Variants in ST18 observed in about 807,000 individuals in gnomAD.
ST18 encodes the protein suppression of tumorigenicity 18 protein.
ST18 carries 50 observed loss-of-function variants against 110.0 expected under a neutral mutation model. The observed-to-expected ratio is 0.45, with a 90% CI of 0.36 to 0.58. The LOEUF is 0.58. Ranked by LOEUF, ST18 falls within the 20% of genes least tolerant of loss-of-function variation. The pLI is 0.00. For synonymous variants in ST18, 461 were observed against 452.4 expected (o/e 1.02, Z -0.24); for missense variants, 1,306 against 1,280.1 (o/e 1.02, Z -0.31).
chr8:52,303,919 A>C (rs1391817383), intron 2 of ST18, among the ~76,000 whole-genome samples: 1 of 152,200 alleles, frequency 6.6e-6, no homozygotes, highest in Non-Finnish European at 1.5e-5. Flanking sequence ...TGGAAATCCA[A>C]GGAGTTAATT....
At chr8:52,322,419 G>C (rs1186967817) in intron 2 of ST18, among the ~76,000 whole-genome samples, 1 of 152,106 alleles carries the variant, frequency 6.6e-6, no homozygotes, top group Non-Finnish European at 1.5e-5. Context: ...TATGTACAGT[G>C]AATAAAAATA....
intron 2 of ST18, among the ~76,000 whole-genome samples, chr8:52,356,662 C>T (rs549218931): frequency 6.6e-6 from 1 of 152,196 alleles, no homozygotes; most frequent in African/African-American, 2.4e-5. Context: ...ATTGATTGGA[C>T]TTACTAGACA....
At chr8:52,322,999 C>T (rs1804688470) in intron 2 of ST18, among the ~76,000 whole-genome samples, 1 of 152,192 alleles carries the variant, frequency 6.6e-6, no homozygotes, top group Non-Finnish European at 1.5e-5. Flanking sequence ...TCTCACTGGG[C>T]ATGGCCTCAG....
chr8:52,166,754 T>C, intron 11 of ST18, 98 bp downstream of exon 11: 1 of 1,370,038 alleles, frequency 7.3e-7, no homozygotes. Context: ...TAAAAAAGTT[T>C]GTTTCCATTC....
intron 2 of ST18, among the ~76,000 whole-genome samples, chr8:52,263,605 G>A (rs779965503): frequency 1.6e-3 from 201 of 124,944 alleles, no homozygotes; most frequent in Non-Finnish European, 2.5e-3. Context: ...TAGTTTTTTT[G>A]TTTTGTTTTT....
intron 23 of ST18, chr8:52,125,821 C>A: frequency 2.0e-6 from 1 of 505,272 alleles, no homozygotes; most frequent in Non-Finnish European, 3.5e-6. Flanking sequence ...CATCATACCC[C>A]ACTGCCTGAC....
chr8:52,199,401 C>T (rs559306278), intron 8 of ST18: 1 of 152,232 alleles, frequency 6.6e-6, no homozygotes, highest in Non-Finnish European at 1.5e-5. Context: ...TGGGAGCTAT[C>T]CTGCAAATGT....
Position 52,290,128 on chromosome 8 carries a change from C to A in ST18, c.-464-60051G>T, listed in dbSNP as rs546900832. 2.0e-5 allele frequency among the ~76,000 whole-genome samples: 3 copies of A among 152,284 alleles called. No individual in the cohort carries two copies. The South Asian group carries it at 6.2e-4, about 32-fold the overall frequency. ...CATAGAGACCATCTATCTCCTGCAG[C>A]TTTGATCTCACACTGCCTTTCCCTT... On this transcript the variant is annotated intron_variant, in intron 2 of 25. Coordinates refer to ENST00000689386, the MANE Select transcript of ST18 (RefSeq NM_001352837.2).
At chr8:52,408,434 A>C (rs1237481176) in intron 2 of ST18, among the ~76,000 whole-genome samples, 2 of 152,226 alleles carry the variant, frequency 1.3e-5, no homozygotes, top group African/African-American at 4.8e-5. Flanking sequence ...GCTCTCCCCC[A>C]GTTACAAGTG....
At chr8:52,350,880 C>T (rs554408574) in intron 2 of ST18, among the ~76,000 whole-genome samples, 41 of 152,096 alleles carry the variant, frequency 2.7e-4, no homozygotes, top group African/African-American at 9.6e-4. Context: ...GCCACCACGC[C>T]CAGCTAATTT....
At chr8:52,184,881 A>G (rs2071385091) in intron 8 of ST18, among the ~76,000 whole-genome samples, 1 of 152,200 alleles carries the variant, frequency 6.6e-6, no homozygotes, top group Non-Finnish European at 1.5e-5. Context: ...AGGTATTCCT[A>G]CTGATTTCTT....
intron 2 of ST18, among the ~76,000 whole-genome samples, chr8:52,383,984 G>A (rs1590521458): frequency 6.6e-6 from 1 of 152,106 alleles, no homozygotes; most frequent in South Asian, 2.1e-4. Flanking sequence ...CTGGGCTCAA[G>A]CTAGGCCTTC....
chr8:52,189,757 T>C (rs1381502623), intron 8 of ST18, among the ~76,000 whole-genome samples: 1 of 152,206 alleles, frequency 6.6e-6, no homozygotes, highest in Non-Finnish European at 1.5e-5. Flanking sequence ...ATCATGGCCC[T>C]TTGATAGAGT....
intron 2 of ST18, among the ~76,000 whole-genome samples, chr8:52,239,216 G>C (rs2093109648): frequency 6.6e-6 from 1 of 152,170 alleles, no homozygotes; most frequent in Non-Finnish European, 1.5e-5. Context: ...TTTGGAAGGT[G>C]ATAGAGAAGG....
intron 2 of ST18, among the ~76,000 whole-genome samples, chr8:52,388,064 T>C (rs1246369281): frequency 4.0e-5 from 6 of 149,842 alleles, no homozygotes; most frequent in Admixed American, 1.4e-4. Context: ...AATGATTCAA[T>C]ATAGATACAG....
intron 23 of ST18, among the ~76,000 whole-genome samples, chr8:52,119,134 T>A (rs1192986007): frequency 6.6e-6 from 1 of 152,148 alleles, no homozygotes; most frequent in Admixed American, 6.5e-5. Flanking sequence ...GCAACTTACT[T>A]ATCTTCTTTG....
At chr8:52,290,022 A>G (rs1384690731) in intron 2 of ST18, among the ~76,000 whole-genome samples, 1 of 152,058 alleles carries the variant, frequency 6.6e-6, no homozygotes, top group Non-Finnish European at 1.5e-5. Context: ...ATTGGAACAC[A>G]GGTCTTAAGG....
intron 17 of ST18, chr8:52,137,717 T>A: frequency 2.2e-6 from 1 of 463,200 alleles, no homozygotes; most frequent in Non-Finnish European, 3.8e-6. Context: ...TGTTTCAACA[T>A]CACATTCGAT....
intron 2 of ST18, among the ~76,000 whole-genome samples, chr8:52,361,438 A>C (rs1825701522): frequency 6.6e-6 from 1 of 152,220 alleles, no homozygotes. Flanking sequence ...TGAGAGTGGG[A>C]GAAGGGAGAG....
Sources: allele counts gnomAD v4.1 joint callset (sites outside exome capture counted in the v4.1 genomes callset), GRCh38; gene constraint gnomAD v4.1.1; transcripts MANE v1.5; gene names NCBI Gene and HGNC (gene_info 2026-07-23, HGNC 2026-07-21).